OCIAD2: variants seen among roughly 807,000 people sequenced by gnomAD.
OCIAD2 encodes the protein OCIA domain containing 2.
Under a neutral mutation model 22.9 loss-of-function variants are expected in OCIAD2, and 29 were observed. The observed-to-expected ratio is 1.27, with a 90% CI of 0.94 to 1.73. OCIAD2 has a LOEUF of 1.73. Ranked by LOEUF, OCIAD2 falls within the 40% of genes most tolerant of loss-of-function variation. OCIAD2 has a pLI of 0.00. For missense variants in OCIAD2, 189 were observed against 180.3 expected (o/e 1.05, Z -0.28); for synonymous variants, 67 against 60.2 (o/e 1.11, Z -0.52).
intron 2 of OCIAD2, 25 bp from the exon 3 acceptor site, chr4:48,899,950 C>A (rs146122095): frequency 6.5e-7 from 1 of 1,547,656 alleles, no homozygotes; most frequent in African/African-American, 1.4e-5. Flanking sequence ...ATATGGTGAG[C>A]TAACTGAGGT....
chr4:48,886,271 T>A (rs1249960611), intron 6 of OCIAD2, among the ~76,000 whole-genome samples: 3 of 152,224 alleles, frequency 2.0e-5, no homozygotes, highest in Non-Finnish European at 4.4e-5. Context: ...CTCTGTTCTG[T>A]TCCATTGATC....
Position 48,885,151 on chromosome 4 carries a change from G to C in OCIAD2, c.*333C>G, listed in dbSNP as rs1395076885. 5.4e-6 allele frequency: 1 copy of C among 184,934 alleles called. No individual in the cohort carries two copies. The highest frequency in any genetic ancestry group is 1.1e-5 in the Non-Finnish European group (1 of 89,378). The allele number at this position is 184,934 out of a possible 1,614,324, so 11.5% of individuals were successfully genotyped here. ...TTACAGGCATGTGCCACCACGCCTG[G>C]CTAATTTTTATATTTTTAGCAGAGA... is the stretch of plus-strand genomic sequence containing the variant. On this transcript the variant is annotated 3_prime_UTR_variant, in exon 7 of 7. Coordinates refer to ENST00000508632, the MANE Select transcript of OCIAD2 (RefSeq NM_001014446.3).
rs550860696 is a variant in OCIAD2 at position 48,888,954 on chromosome 4, A to G, written c.384-3389T>C. 4.6e-5 allele frequency among the ~76,000 whole-genome samples: 7 copies of G among 152,274 alleles called. No individual in the cohort carries two copies. In the South Asian group the frequency reaches 1.5e-3, roughly 32 times the overall value. ...TACCTCTGGTAGAATTTGGCTGTGA[A>G]TCCGTCTGGTCCTGGACTTTTTTTG... On this transcript the variant is annotated intron_variant, in intron 6 of 6. Transcript: ENST00000508632.
chr4:48,886,497 C>G (rs1302879211), intron 6 of OCIAD2, among the ~76,000 whole-genome samples: 1 of 130,404 alleles, frequency 7.7e-6, no homozygotes, highest in Non-Finnish European at 1.6e-5. Context: ...CCCCTCCCCC[C>G]ACCCTACAAC....
chr4:48,888,335 T>C (rs1408725329), intron 6 of OCIAD2, among the ~76,000 whole-genome samples: 1 of 152,208 alleles, frequency 6.6e-6, no homozygotes. Flanking sequence ...TATTTCTTTC[T>C]CCTGCCTGAT....
At chr4:48,906,551 G>C (rs1245411067) in intron 1 of OCIAD2, 107 bp downstream of exon 1, 7 of 152,690 alleles carry the variant, frequency 4.6e-5, no homozygotes, top group Non-Finnish European at 8.8e-5. Flanking sequence ...GAGAGTGGGG[G>C]GCGGCCACCG....
chr4:48,891,743 C>T (rs1329091166), intron 6 of OCIAD2, among the ~76,000 whole-genome samples: 1 of 152,194 alleles, frequency 6.6e-6, no homozygotes, highest in African/African-American at 2.4e-5. Flanking sequence ...TAAAACACAA[C>T]TTTGCAAGGA....
intron 6 of OCIAD2, among the ~76,000 whole-genome samples, chr4:48,891,621 TGAAGAG>T (rs773142831): frequency 4.6e-5 from 7 of 152,208 alleles, no homozygotes; most frequent in African/African-American, 1.7e-4. Context: ...CTCCTGAAAT[TGAAGAG>T]GAAGAGGAAG....
rs1453909612 is a variant in OCIAD2 at position 48,885,336 on chromosome 4, T to G, written c.*148A>C. 2.6e-5 allele frequency: 18 copies of G among 683,756 alleles called. No individual in the cohort carries two copies. Among genetic ancestry groups the G allele is most frequent in the Non-Finnish European group, 4.5e-5 (17 of 377,480 alleles). 42.4% of individuals were successfully genotyped at this position (683,756 alleles called of 1,614,324 possible). On this transcript the variant is annotated 3_prime_UTR_variant, in exon 7 of 7. Coordinates refer to ENST00000508632, the MANE Select transcript of OCIAD2 (RefSeq NM_001014446.3). ...AAAAACATGTAACGCTTAGTTCACT[T>G]GAAAGCCTTCCACGGAATACATTTC...
Position 48,904,836 on chromosome 4 carries a change from C to T in OCIAD2, c.-62-225G>A, listed in dbSNP as rs1781493120. Among the ~76,000 whole-genome samples, 3 of 152,190 alleles carry T rather than the reference C, an allele frequency of 2.0e-5. No homozygotes were observed. In the South Asian group the frequency reaches 6.2e-4, roughly 31 times the overall value. ...AATAGAGTGGAAATACCACACTGTG[C>T]ACTGAGTGTCGATTATGTGCCAGGC... On this transcript the variant is annotated intron_variant, in intron 1 of 6. Coordinates refer to ENST00000508632, the MANE Select transcript of OCIAD2 (RefSeq NM_001014446.3).
chr4:48,897,063 T>C (rs1223881059), intron 4 of OCIAD2: 1 of 152,364 alleles, frequency 6.6e-6, no homozygotes, highest in East Asian at 1.9e-4. Context: ...CCAAAAGAAA[T>C]GGTGTGGTGG....
intron 4 of OCIAD2, among the ~76,000 whole-genome samples, chr4:48,897,450 C>T (rs1395095321): frequency 6.6e-6 from 1 of 152,128 alleles, no homozygotes; most frequent in South Asian, 2.1e-4. Flanking sequence ...CTCACATTGC[C>T]GCCTCTCTGA....
intron 1 of OCIAD2, among the ~76,000 whole-genome samples, chr4:48,905,791 G>T (rs1781511568): frequency 6.6e-6 from 1 of 152,224 alleles, no homozygotes; most frequent in Non-Finnish European, 1.5e-5. Context: ...GCAGCACGGT[G>T]CCCTGCACGG....
chr4:48,904,381 C>G, intron 2 of OCIAD2, 103 bp downstream of exon 2: 1 of 991,908 alleles, frequency 1.0e-6, no homozygotes. Flanking sequence ...TCCAGCAGTT[C>G]GAGACTGCAG....
chr4:48,891,923 G>A (rs1781188174), intron 6 of OCIAD2, among the ~76,000 whole-genome samples: 3 of 152,182 alleles, frequency 2.0e-5, no homozygotes, highest in Non-Finnish European at 2.9e-5. Flanking sequence ...AGCTCTTTGG[G>A]TCTCATGCAG....
chr4:48,887,093 G>A (rs948752842), intron 6 of OCIAD2, among the ~76,000 whole-genome samples: 4 of 152,208 alleles, frequency 2.6e-5, no homozygotes, highest in East Asian at 3.8e-4. Context: ...GATGGTCAGT[G>A]ATGATGAGCA....
At position 48,889,661 on chromosome 4, in the gene OCIAD2, C is replaced by A. The variant is rs183387755; in HGVS notation, c.383+3111G>T. On this transcript the variant is annotated intron_variant, in intron 6 of 6. Transcript: ENST00000508632. ...GAACACTTTTACACTGTTGGTGGGA[C>A]TGTAAAGTAGTTCAACCATTATGGA... Among the ~76,000 whole-genome samples the A allele has an allele frequency of 3.1e-3, 476 of 152,310 alleles. 1 individual carries two copies. Among genetic ancestry groups the A allele is most frequent in the African/African-American group, 0.011 (446 of 41,570 alleles).
chr4:48,894,180 A>G lies in OCIAD2; in HGVS notation c.218-127T>C, dbSNP rs571431216. 4 of 416,900 alleles carry G rather than the reference A, an allele frequency of 9.6e-6. No homozygotes were observed. The South Asian group carries it at 2.6e-4, about 27-fold the overall frequency. The allele number at this position is 416,900 out of a possible 1,614,324, so 25.8% of individuals were successfully genotyped here. Reference sequence around the variant, plus strand: ...TTAAGACATAAAATTTCTTAAATGTATACATATTCTGACTTTAAAAAGATG... The same window carrying G: ...TTAAGACATAAAATTTCTTAAATGTGTACATATTCTGACTTTAAAAAGATG... On this transcript the variant is annotated intron_variant, in intron 4 of 6. Transcript: ENST00000508632.
At chr4:48,897,879 C>A (rs773296238) in intron 3 of OCIAD2, 22 bp from the exon 4 acceptor site, 2 of 1,597,874 alleles carry the variant, frequency 1.3e-6, no homozygotes, top group Admixed American at 3.4e-5. Flanking sequence ...AAATGTCCTT[C>A]AATATTGGTA....
Sources: gnomAD v4.1 joint callset for allele counts (sites outside exome capture counted in the v4.1 genomes callset) on GRCh38, gnomAD v4.1.1 for gene constraint, MANE v1.5 for transcripts, NCBI Gene and HGNC (gene_info 2026-07-23, HGNC 2026-07-21) for gene names.